Variants in DDX21 observed in about 807,000 individuals in gnomAD.
DDX21 encodes the protein nucleolar RNA helicase 2.
A neutral mutation model predicts 90.0 loss-of-function variants in DDX21; 18 were observed. The observed-to-expected ratio is 0.20, with a 90% CI of 0.14 to 0.30. The LOEUF (loss-of-function observed/expected upper bound fraction) is 0.30. DDX21 is among the 10% of genes least tolerant of loss of function. The pLI, the probability that DDX21 is intolerant of heterozygous loss-of-function variation, is 1.00. For missense variants in DDX21, 673 were observed against 944.5 expected (o/e 0.71, Z 3.77); for synonymous variants, 294 against 318.0 (o/e 0.92, Z 0.80).
intron 1 of DDX21, among the ~76,000 whole-genome samples, chr10:68,957,115 G>A (rs901765260): frequency 7.9e-5 from 12 of 152,098 alleles, no homozygotes; most frequent in Non-Finnish European, 1.8e-4. Flanking sequence ...GCGCACGTGG[G>A]CCGCGTCTTT....
At chr10:68,956,496 G>C in intron 1 of DDX21, 184 bp downstream of exon 1, 2 of 1,439,074 alleles carry the variant, frequency 1.4e-6, no homozygotes, top group Non-Finnish European at 1.8e-6. Flanking sequence ...TGGACGCGTC[G>C]TTTGCCCGAC....
At position 68,959,802 on chromosome 10, in the gene DDX21, T is replaced by G. The variant is rs761766702; in HGVS notation, c.88-4T>G. 9 of 1,525,238 alleles carry G rather than the reference T, an allele frequency of 5.9e-6. No homozygotes were observed. The highest frequency in any genetic ancestry group is 7.9e-6 in the Non-Finnish European group (9 of 1,145,668). 94.5% of individuals were successfully genotyped at this position (1,525,238 alleles called of 1,614,324 possible). On this transcript the variant is annotated splice_region_variant and splice_polypyrimidine_tract_variant and intron_variant, in intron 1 of 14. Coordinates refer to ENST00000354185, the MANE Select transcript of DDX21 (RefSeq NM_004728.4). ...TTTGTATTTTCCTTATGAATTTTTT[T>G]TAGAAAGAGAAAAAAGAGAAGCCAA...
intron 6 of DDX21, among the ~76,000 whole-genome samples, chr10:68,968,080 A>G (rs2132085790): frequency 1.3e-5 from 2 of 150,304 alleles, no homozygotes; most frequent in Non-Finnish European, 3.0e-5. Flanking sequence ...GGGTTTCACC[A>G]TGCTGGTCTT....
chr10:68,963,143 A>T lies in DDX21; in HGVS notation c.608-148A>T, dbSNP rs1589283344. ...ACCTTGTCTCTTAAAAAATATACGT[A>T]TTTGAGCCTAACTTTGTAGATGTTG... On this transcript the variant is annotated intron_variant, in intron 3 of 14. Coordinates refer to ENST00000354185, the MANE Select transcript of DDX21 (RefSeq NM_004728.4). 5.2e-6 allele frequency: 4 copies of T among 771,934 alleles called. 1 individual carries two copies. In the East Asian group the frequency reaches 1.1e-4, roughly 22 times the overall value. 47.8% of individuals were successfully genotyped at this position (771,934 alleles called of 1,614,324 possible). A position where few individuals can be genotyped will look rare whatever the true frequency, so the allele number is the denominator to read the frequency against.
intron 3 of DDX21, among the ~76,000 whole-genome samples, chr10:68,962,864 A>T (rs1000609921): frequency 1.3e-5 from 2 of 152,208 alleles, no homozygotes; most frequent in Non-Finnish European, 2.9e-5. Flanking sequence ...TTGGATTGCA[A>T]AGCACCAGAT....
rs746816532 is a variant in DDX21 at position 68,970,196 on chromosome 10, A to G, written c.1237-5A>G. The G allele has an allele frequency of 3.8e-6, 6 of 1,592,738 alleles. No individual in the cohort carries two copies. Among genetic ancestry groups the G allele is most frequent in the East Asian group, 4.5e-5 (2 of 44,588 alleles). On this transcript the variant is annotated splice_polypyrimidine_tract_variant and splice_region_variant and intron_variant, in intron 7 of 14. Coordinates refer to ENST00000354185, the MANE Select transcript of DDX21 (RefSeq NM_004728.4). ...AAATAGATGTTTTTTTTCTTCTTACATAAGCATCTGGCTATTAAGTGCCAC... is the reference window on the plus strand; with the variant it reads ...AAATAGATGTTTTTTTTCTTCTTACGTAAGCATCTGGCTATTAAGTGCCAC...
rs1843231212 is a variant in DDX21 at position 68,983,904 on chromosome 10, C to A, written c.*1092C>A. The stretch of plus-strand genomic sequence containing the variant: ...GCTGGGGTTTTTAGGTAGTCAGTGG[C>A]CTAGTTCCTAAAGCCACAGTATAGG... On this transcript the variant is annotated 3_prime_UTR_variant, in exon 15 of 15. Transcript: ENST00000354185. 1 of 152,120 alleles carries A rather than the reference C, an allele frequency of 6.6e-6. No homozygotes were observed. The highest frequency in any genetic ancestry group is 2.4e-5 in the African/African-American group (1 of 41,428). 9.4% of individuals were successfully genotyped at this position (152,120 alleles called of 1,614,324 possible). A position where few individuals can be genotyped will look rare whatever the true frequency, so the allele number is the denominator to read the frequency against.
intron 6 of DDX21, 64 bp downstream of exon 6, chr10:68,967,267 G>C: frequency 6.7e-7 from 1 of 1,497,352 alleles, no homozygotes; most frequent in Non-Finnish European, 9.0e-7. Context: ...TCTGTCTCCT[G>C]GGTTCAAGTG....
intron 14 of DDX21, among the ~76,000 whole-genome samples, chr10:68,981,966 C>T (rs573676530): frequency 8.5e-5 from 13 of 152,066 alleles, no homozygotes; most frequent in South Asian, 4.2e-4. Context: ...CTCCGCCTCC[C>T]GGGTTCAAGC....
intron 4 of DDX21, among the ~76,000 whole-genome samples, chr10:68,964,342 C>G (rs190732154): frequency 1.3e-5 from 2 of 152,170 alleles, no homozygotes; most frequent in East Asian, 1.9e-4. Flanking sequence ...TGTCCATGCT[C>G]CCCCTTTGTT....
chr10:68,981,721 T>TC (rs1027630611), intron 14 of DDX21, 140 bp downstream of exon 14: 2 of 773,206 alleles, frequency 2.6e-6, no homozygotes, highest in East Asian at 5.4e-5. Context: ...TTTGGAATAT[T>TC]CCCCCCTAAC....
At chr10:68,980,607 T>TG (rs1843171824) in intron 13 of DDX21, among the ~76,000 whole-genome samples, 2 of 152,166 alleles carry the variant, frequency 1.3e-5, no homozygotes, top group South Asian at 4.1e-4. Context: ...TATAAAATAT[T>TG]GCAGTTGAAG....
intron 11 of DDX21, among the ~76,000 whole-genome samples, chr10:68,976,131 A>T (rs1008241004): frequency 2.0e-5 from 3 of 150,670 alleles, no homozygotes; most frequent in African/African-American, 7.3e-5. Flanking sequence ...GGAGGCTGAG[A>T]TGGGAGGATT....
intron 1 of DDX21, among the ~76,000 whole-genome samples, chr10:68,957,777 C>CT (rs11398746): frequency 0.62 from 94,324 of 151,962 alleles, 29,707 homozygotes; most frequent in East Asian, 0.89. Context: ...GGAGATTATT[C>CT]TTAATCTATG....
In DDX21 at chr10:68,982,974, C is replaced by T. The variant is rs1005424487; in HGVS notation, c.*162C>T. 4.5e-5 allele frequency: 39 copies of T among 869,386 alleles called. No homozygotes were observed. Among genetic ancestry groups the T allele is most frequent in the Middle Eastern group, 3.6e-4 (1 of 2,780 alleles). 53.9% of individuals were successfully genotyped at this position (869,386 alleles called of 1,614,324 possible). ...CAGACAAGCTTCATTTAAATTATTT[C>T]ATCTGATCATTATCATTTATAACTT... is the stretch of plus-strand genomic sequence containing the variant. On this transcript the variant is annotated 3_prime_UTR_variant, in exon 15 of 15. Coordinates refer to ENST00000354185, the MANE Select transcript of DDX21 (RefSeq NM_004728.4).
At chr10:68,961,608 T>G (rs1842872936) in intron 2 of DDX21, among the ~76,000 whole-genome samples, 1 of 152,226 alleles carries the variant, frequency 6.6e-6, no homozygotes, top group South Asian at 2.1e-4. Flanking sequence ...TCTTGAAATC[T>G]ACTTACTACT....
chr10:68,982,186 T>A (rs915727517), intron 14 of DDX21, among the ~76,000 whole-genome samples: 8 of 152,204 alleles, frequency 5.3e-5, no homozygotes, highest in African/African-American at 1.9e-4. Context: ...TTCATAGACA[T>A]TTAAAATTGT....
rs111261491 is a variant in DDX21 at position 68,976,997 on chromosome 10, C to T, written c.1743-532C>T. ...TTTCTTAAAATGATTGTGTGTGGCACAGTCATAGCTCACTGCAATCCTCCC... is the reference window on the plus strand; with the variant it reads ...TTTCTTAAAATGATTGTGTGTGGCATAGTCATAGCTCACTGCAATCCTCCC... On this transcript the variant is annotated intron_variant, in intron 11 of 14. Coordinates refer to ENST00000354185, the MANE Select transcript of DDX21 (RefSeq NM_004728.4). 2.6e-3 allele frequency among the ~76,000 whole-genome samples: 387 copies of T among 151,514 alleles called. 1 individual carries two copies. Among genetic ancestry groups the T allele is most frequent in the African/African-American group, 8.4e-3 (349 of 41,302 alleles).
intron 9 of DDX21, among the ~76,000 whole-genome samples, chr10:68,973,200 A>T (rs1325209007): frequency 2.7e-5 from 4 of 149,344 alleles, no homozygotes; most frequent in Non-Finnish European, 4.5e-5. Context: ...GTCTCAAAAG[A>T]AAAAAAAAAG....
Sources: allele counts gnomAD v4.1 joint callset (sites outside exome capture counted in the v4.1 genomes callset), GRCh38; gene constraint gnomAD v4.1.1; transcripts MANE v1.5; gene names NCBI Gene and HGNC (gene_info 2026-07-23, HGNC 2026-07-21).